Variants in FLI1 observed in about 807,000 individuals in gnomAD.
FLI1 encodes the protein Friend leukemia integration 1 transcription factor.
FLI1 carries 13 observed loss-of-function variants against 53.1 expected under a neutral mutation model. That is an observed-to-expected ratio of 0.24 (90% CI 0.16 to 0.39). The LOEUF is 0.39. Among genes scored for constraint, FLI1 ranks in the 10% least tolerant of loss-of-function variants. The probability of loss-of-function intolerance (pLI) is 1.00; values close to 1 mark genes in which losing one functional copy is unlikely to be tolerated. For synonymous variants in FLI1, 244 were observed against 236.7 expected (o/e 1.03, Z -0.28); for missense variants, 424 against 600.5 (o/e 0.71, Z 3.07).
At chr11:128,704,810 G>A (rs1055026258) in intron 1 of FLI1, among the ~76,000 whole-genome samples, 1 of 152,202 alleles carries the variant, frequency 6.6e-6, no homozygotes, top group African/African-American at 2.4e-5. Flanking sequence ...TCACCTAAGA[G>A]AAAGAGATGC....
At chr11:128,794,387 G>A (rs2268599) in intron 5 of FLI1, among the ~76,000 whole-genome samples, 15,706 of 152,178 alleles carry the variant, frequency 0.1, 976 homozygotes, top group East Asian at 0.27. Flanking sequence ...TATTTGAGGC[G>A]ATTGGTAGCT....
chr11:128,754,060 C>T (rs1940760174), intron 1 of FLI1, among the ~76,000 whole-genome samples: 1 of 147,198 alleles, frequency 6.8e-6, no homozygotes. Flanking sequence ...TAGGGGCCCT[C>T]ACCTCCCTTC....
intron 6 of FLI1, 113 bp downstream of exon 6, chr11:128,805,544 A>C (rs934308220): frequency 2.6e-5 from 17 of 643,648 alleles, no homozygotes; most frequent in Non-Finnish European, 3.7e-5. Context: ...CTGCTTTTTG[A>C]GTAGACATCA....
intron 1 of FLI1, among the ~76,000 whole-genome samples, chr11:128,707,402 G>A (rs567422786): frequency 4.7e-4 from 72 of 152,290 alleles, no homozygotes; most frequent in African/African-American, 1.7e-3. Flanking sequence ...CTAGAGGTGA[G>A]GGACTTGAAG....
At chr11:128,808,728 T>C (rs596850) in intron 7 of FLI1, among the ~76,000 whole-genome samples, 2,198 of 118,730 alleles carry the variant, frequency 0.019, 41 homozygotes, top group African/African-American at 0.052. Context: ...ATGCTACATT[T>C]AAAAAAAAAA....
intron 1 of FLI1, among the ~76,000 whole-genome samples, chr11:128,749,353 A>C (rs1230439250): frequency 6.6e-6 from 1 of 152,206 alleles, no homozygotes; most frequent in Non-Finnish European, 1.5e-5. Flanking sequence ...CCTTCACTGA[A>C]GGCTCGTTCA....
chr11:128,772,693 G>A, intron 3 of FLI1, 89 bp from the exon 4 acceptor site: 1 of 979,748 alleles, frequency 1.0e-6, no homozygotes, highest in South Asian at 1.4e-5. Flanking sequence ...GGGAAAGAAA[G>A]AGGGACAAGG....
At chr11:128,758,079 G>C (rs1325974863) in intron 1 of FLI1, 36 bp from the exon 2 acceptor site, 5 of 1,566,952 alleles carry the variant, frequency 3.2e-6, no homozygotes, top group South Asian at 2.3e-5. Context: ...GGTGAAGAGT[G>C]ACACTGGGCT....
upstream of FLI1, chr11:128,686,522 T>C (rs1454388882): frequency 2.2e-6 from 1 of 456,318 alleles, no homozygotes; most frequent in South Asian, 1.5e-5. Flanking sequence ...GGATCTGAGC[T>C]TCCCAAACCC....
chr11:128,799,338 C>T (rs1242072233), intron 5 of FLI1, among the ~76,000 whole-genome samples: 1 of 152,126 alleles, frequency 6.6e-6, no homozygotes, highest in African/African-American at 2.4e-5. Flanking sequence ...GCTTGGTAAT[C>T]TCATCTCACC....
chr11:128,706,963 A>G (rs1032870307), intron 1 of FLI1, among the ~76,000 whole-genome samples: 2 of 152,230 alleles, frequency 1.3e-5, no homozygotes, highest in Non-Finnish European at 2.9e-5. Context: ...CCCAGTTCTC[A>G]TTGTTATCAT....
chr11:128,773,897 G>A (rs1281543715), intron 4 of FLI1, among the ~76,000 whole-genome samples: 1 of 151,924 alleles, frequency 6.6e-6, no homozygotes, highest in African/African-American at 2.4e-5. Context: ...GCAGCCCTGT[G>A]CAAAGACAGG....
At chr11:128,716,686 C>T (rs1939029936) in intron 1 of FLI1, among the ~76,000 whole-genome samples, 1 of 152,166 alleles carries the variant, frequency 6.6e-6, no homozygotes, top group African/African-American at 2.4e-5. Context: ...TCCCACTCTC[C>T]TCTCCCAGTC....
intron 1 of FLI1, among the ~76,000 whole-genome samples, chr11:128,688,639 T>G (rs1280910852): frequency 6.6e-6 from 1 of 151,360 alleles, no homozygotes; most frequent in Non-Finnish European, 1.5e-5. Context: ...TCCACCGGGG[T>G]CACGATCTGA....
intron 1 of FLI1, among the ~76,000 whole-genome samples, chr11:128,741,724 C>T (rs1940147029): frequency 6.6e-6 from 1 of 152,160 alleles, no homozygotes; most frequent in African/African-American, 2.4e-5. Context: ...TGCCTTTGCC[C>T]CTCCCCCCGA....
At chr11:128,803,006 A>C (rs553098649) in intron 5 of FLI1, among the ~76,000 whole-genome samples, 10 of 152,248 alleles carry the variant, frequency 6.6e-5, no homozygotes, top group Non-Finnish European at 1.5e-4. Context: ...GCTTTCAGAG[A>C]GGGTTGAAGC....
At chr11:128,788,798 A>T (rs150156887) in intron 5 of FLI1, among the ~76,000 whole-genome samples, 1 of 152,294 alleles carries the variant, frequency 6.6e-6, no homozygotes, top group East Asian at 1.9e-4. Context: ...TCTGTGATTC[A>T]TGCTCTCCTC....
At chr11:128,706,714 T>C (rs1032924028) in intron 1 of FLI1, among the ~76,000 whole-genome samples, 1 of 152,236 alleles carries the variant, frequency 6.6e-6, no homozygotes, top group Admixed American at 6.5e-5. Flanking sequence ...TGTTCATTGG[T>C]CCTATTTTCT....
chr11:128,754,435 G>A (rs927176726), intron 1 of FLI1, among the ~76,000 whole-genome samples: 7 of 152,322 alleles, frequency 4.6e-5, no homozygotes, highest in African/African-American at 1.7e-4. Context: ...GGGTGAAAGA[G>A]TAAAGAAAGG....
Sources: allele counts gnomAD v4.1 joint callset (sites outside exome capture counted in the v4.1 genomes callset), GRCh38; gene constraint gnomAD v4.1.1; transcripts MANE v1.5; gene names NCBI Gene and HGNC (gene_info 2026-07-23, HGNC 2026-07-21).